The following OSBPL3 variants were observed in gnomAD, a reference collection of about 807,000 sequenced individuals.
OSBPL3 encodes the protein oxysterol-binding protein-related protein 3.
In OSBPL3, 65 loss-of-function variants were observed where a neutral mutation model predicts 120.1. The ratio of observed to expected loss-of-function variants is 0.54; its 90% CI spans 0.44 to 0.67. OSBPL3 has a LOEUF of 0.67. Ranked by LOEUF, OSBPL3 falls within the 30% of genes least tolerant of loss-of-function variation. The pLI, the probability that OSBPL3 is intolerant of heterozygous loss-of-function variation, is 0.00. For synonymous variants in OSBPL3, 416 were observed against 402.6 expected (o/e 1.03, Z -0.40); for missense variants, 1,004 against 1,082.1 (o/e 0.93, Z 1.01).
intron 12 of OSBPL3, among the ~76,000 whole-genome samples, chr7:24,845,404 A>G (rs868723632): frequency 0.069 from 10,001 of 145,670 alleles, 506 homozygotes; most frequent in Non-Finnish European, 0.11. Context: ...AAAAAAAAAA[A>G]AAAAAAAAAA....
intron 1 of OSBPL3, among the ~76,000 whole-genome samples, chr7:24,924,260 A>T (rs1810759181): frequency 1.3e-5 from 2 of 152,196 alleles, no homozygotes; most frequent in South Asian, 4.1e-4. Flanking sequence ...GAAAATAAAG[A>T]CCACAAGAAA....
At chr7:24,892,197 C>T (rs929308827) in intron 2 of OSBPL3, among the ~76,000 whole-genome samples, 180 bp downstream of exon 2, 1 of 152,180 alleles carries the variant, frequency 6.6e-6, no homozygotes, top group African/African-American at 2.4e-5. Flanking sequence ...TTCTTCCCAC[C>T]TGGTAGGCAC....
intron 11 of OSBPL3, among the ~76,000 whole-genome samples, chr7:24,850,754 T>C (rs1051272662): frequency 5.3e-5 from 8 of 152,240 alleles, no homozygotes; most frequent in Non-Finnish European, 1.0e-4. Context: ...ATTTTATTAG[T>C]TTTTCTTTCC....
chr7:24,827,092 C>G lies in OSBPL3; in HGVS notation c.1884+3676G>C, dbSNP rs1795800909. 6.6e-6 allele frequency among the ~76,000 whole-genome samples: 1 copy of G among 152,200 alleles called. No homozygotes were observed. The highest frequency in any genetic ancestry group is 6.5e-5 in the Admixed American group (1 of 15,282). On this transcript the variant is annotated intron_variant, in intron 16 of 22. Coordinates refer to ENST00000313367, the MANE Select transcript of OSBPL3 (RefSeq NM_015550.4). The surrounding 1 kb of genome is among the most constrained non-coding windows in gnomAD (Gnocchi z 5.1). ...TCATTATCCTCCTTAGAAAAAAATT[C>G]CACCCAAAAATATTAATTCGGGGGG...
chr7:24,827,431 C>G lies in OSBPL3; in HGVS notation c.1884+3337G>C, dbSNP rs982199109. Among the ~76,000 whole-genome samples the G allele has an allele frequency of 6.6e-6, 1 of 152,224 alleles. No individual in the cohort carries two copies. Among genetic ancestry groups the G allele is most frequent in the African/African-American group, 2.4e-5 (1 of 41,466 alleles). ...CTGGCCAGGGAAAGGGAGGCCCTGG[C>G]CCTACACCCTTCCCACTTCTAGGGC... On this transcript the variant is annotated intron_variant, in intron 16 of 22. Coordinates refer to ENST00000313367, the MANE Select transcript of OSBPL3 (RefSeq NM_015550.4). The surrounding 1 kb of genome is among the most constrained non-coding windows in gnomAD (Gnocchi z 5.1).
chr7:24,895,847 T>C (rs1806058242), intron 1 of OSBPL3, among the ~76,000 whole-genome samples: 1 of 152,194 alleles, frequency 6.6e-6, no homozygotes, highest in African/African-American at 2.4e-5. Context: ...CCACCTTATT[T>C]TGTACTGAGA....
rs909740083 is a variant in OSBPL3, at chr7:24,972,935, T to G, written c.-150+6951A>C. On this transcript the variant is annotated intron_variant, in intron 1 of 22. Transcript: ENST00000313367. This position sits in a 1 kb window ranked among gnomAD's most constrained non-coding sequence, Gnocchi z 4.3. ...CCAGTGTGGGAATCTTTACAAGTAC[T>G]ACATTTTAATACATATTTGGAGAAA... is the stretch of plus-strand genomic sequence containing the variant. Among the ~76,000 whole-genome samples the G allele has an allele frequency of 4.6e-5, 7 of 152,226 alleles. No homozygotes were observed. Among genetic ancestry groups the G allele is most frequent in the Admixed American group, 1.3e-4 (2 of 15,286 alleles).
chr7:24,909,220 A>C, intron 1 of OSBPL3, among the ~76,000 whole-genome samples: 1 of 152,172 alleles, frequency 6.6e-6, no homozygotes, highest in South Asian at 2.1e-4. Context: ...CCCCTTCTTT[A>C]ATAATAGAAC....
intron 1 of OSBPL3, among the ~76,000 whole-genome samples, chr7:24,958,980 CTAAGATCAAAG>C (rs1815400710): frequency 6.6e-6 from 1 of 152,108 alleles, no homozygotes; most frequent in South Asian, 2.1e-4. Context: ...AAGGACCTAA[CTAAGATCAAAG>C]TATTAAGGGG....
rs1809509940 is a variant in OSBPL3, at chr7:24,916,048, C to A, written c.-149-23427G>T. Among the ~76,000 whole-genome samples the A allele has an allele frequency of 6.6e-6, 1 of 152,132 alleles. No homozygotes were observed. ...AAGCAGCATACATCAGAAAGCCAGG[C>A]AGGGACAAAGGGAGAAGGCACTCGA... On this transcript the variant is annotated intron_variant, in intron 1 of 22. Transcript: ENST00000313367. The surrounding 1 kb of genome is among the most constrained non-coding windows in gnomAD (Gnocchi z 4.9).
chr7:24,880,797 A>G (rs1338482049), intron 2 of OSBPL3, among the ~76,000 whole-genome samples: 2 of 152,192 alleles, frequency 1.3e-5, no homozygotes, highest in African/African-American at 4.8e-5. Flanking sequence ...GAAGGGGAGA[A>G]AAACTCCAAA....
At chr7:24,962,817 A>C (rs1815939122) in intron 1 of OSBPL3, among the ~76,000 whole-genome samples, 1 of 152,190 alleles carries the variant, frequency 6.6e-6, no homozygotes, top group South Asian at 2.1e-4. Context: ...ATTTTCTTTT[A>C]CACTGTCCTT....
intron 5 of OSBPL3, among the ~76,000 whole-genome samples, chr7:24,870,255 T>C (rs1395476693): frequency 4.6e-5 from 7 of 152,174 alleles, no homozygotes; most frequent in Non-Finnish European, 5.9e-5. Flanking sequence ...AAGTACTATT[T>C]GGGAACCCAC....
intron 1 of OSBPL3, among the ~76,000 whole-genome samples, chr7:24,923,094 T>A (rs557808385): frequency 2.0e-5 from 3 of 152,264 alleles, no homozygotes; most frequent in African/African-American, 7.2e-5. Context: ...CTTCCTCAGT[T>A]CAGAACAGCA....
At chr7:24,934,234 G>C (rs1812120330) in intron 1 of OSBPL3, among the ~76,000 whole-genome samples, 1 of 152,172 alleles carries the variant, frequency 6.6e-6, no homozygotes. Flanking sequence ...TTATTGACAA[G>C]TGTAAGCCTG....
chr7:24,946,027 G>A lies in OSBPL3; in HGVS notation c.-150+33859C>T, dbSNP rs1381701269. Among the ~76,000 whole-genome samples the A allele has an allele frequency of 6.6e-6, 1 of 152,164 alleles. No individual in the cohort carries two copies. The highest frequency in any genetic ancestry group is 6.5e-5 in the Admixed American group (1 of 15,278). ...GTCTCTCATTTGATGGCAATCAGAT[G>A]CCAGGTGGGGCTGGAGCTAGGTGGG... On this transcript the variant is annotated intron_variant, in intron 1 of 22. Coordinates refer to ENST00000313367, the MANE Select transcript of OSBPL3 (RefSeq NM_015550.4). The surrounding 1 kb of genome is among the most constrained non-coding windows in gnomAD (Gnocchi z 4.3).
rs918791834 is a variant in OSBPL3 at position 24,953,175 on chromosome 7, T to C, written c.-150+26711A>G. On this transcript the variant is annotated intron_variant, in intron 1 of 22. Transcript: ENST00000313367. This position sits in a 1 kb window ranked among gnomAD's most constrained non-coding sequence, Gnocchi z 4.3. Reference sequence around the variant, plus strand: ...AATACATACTCTGGGCTTTTGCTAATAATACTATCTTAAAAGATTAAAGCC... The same window carrying C: ...AATACATACTCTGGGCTTTTGCTAACAATACTATCTTAAAAGATTAAAGCC... 6.6e-6 allele frequency among the ~76,000 whole-genome samples: 1 copy of C among 152,206 alleles called. No homozygotes were observed. Among genetic ancestry groups the C allele is most frequent in the Admixed American group, 6.5e-5 (1 of 15,276 alleles).
chr7:24,942,389 G>A (rs898079452), intron 1 of OSBPL3, among the ~76,000 whole-genome samples: 1 of 152,192 alleles, frequency 6.6e-6, no homozygotes, highest in Non-Finnish European at 1.5e-5. Flanking sequence ...CTGAAGCCAT[G>A]TCTGTCTGGT....
At position 24,886,245 on chromosome 7, in the gene OSBPL3, T is replaced by TA. The variant is rs200139390; in HGVS notation, c.96+6131dup. On this transcript the variant is annotated intron_variant, in intron 2 of 22. Transcript: ENST00000313367. ...TAAAAAGCTTAGACCCAGAATGTGT[T>TA]AAAAAAAACATGGCAAGGTTATCCA... Among the ~76,000 whole-genome samples the TA allele has an allele frequency of 6.0e-3, 906 of 152,140 alleles. 16 individuals are homozygous for TA. Among genetic ancestry groups the TA allele is most frequent in the African/African-American group, 0.021 (862 of 41,518 alleles).
Sources: gnomAD v4.1 joint callset for allele counts (sites outside exome capture counted in the v4.1 genomes callset) on GRCh38, gnomAD v4.1.1 for gene constraint, Gnocchi (gnomAD v3.1) non-coding constraint, MANE v1.5 for transcripts, NCBI Gene and HGNC (gene_info 2026-07-23, HGNC 2026-07-21) for gene names.